The following L3MBTL4 variants were observed in gnomAD, a reference collection of about 807,000 sequenced individuals.
L3MBTL4 encodes L3MBTL histone methyl-lysine binding protein 4, also known as lethal(3)malignant brain tumor-like protein 4.
A neutral mutation model predicts 84.5 loss-of-function variants in L3MBTL4; 70 were observed. The observed-to-expected ratio is 0.83, with a 90% CI of 0.68 to 1.01. The LOEUF is 1.01. Among genes scored for constraint, L3MBTL4 ranks in the 50% least tolerant of loss-of-function variants. The pLI is 0.00. For synonymous variants in L3MBTL4, 274 were observed against 259.8 expected, an observed-to-expected ratio of 1.05 and a Z score of -0.52; for missense variants, 715 against 754.8, an observed-to-expected ratio of 0.95 and a Z score of 0.62.
At chr18:6,238,405 C>T (rs1182371906) in intron 9 of L3MBTL4, among the ~76,000 whole-genome samples, 11 of 152,020 alleles carry the variant, frequency 7.2e-5, no homozygotes, top group African/African-American at 2.2e-4. Flanking sequence ...TGGTGGCGGG[C>T]GCCTGTAGTC....
chr18:5,988,667 T>TAA (rs11430173), intron 16 of L3MBTL4, among the ~76,000 whole-genome samples: 3,717 of 152,086 alleles, frequency 0.024, 138 homozygotes, highest in African/African-American at 0.084. Context: ...TATATGCATT[T>TAA]AAAAAAATCA....
intron 16 of L3MBTL4, among the ~76,000 whole-genome samples, chr18:6,054,686 G>A (rs773478230): frequency 6.6e-6 from 1 of 152,158 alleles, no homozygotes; most frequent in South Asian, 2.1e-4. Flanking sequence ...TTAACGCTTC[G>A]CCACAGAGCT....
At chr18:5,989,785 G>A (rs900030097) in intron 16 of L3MBTL4, among the ~76,000 whole-genome samples, 4 of 152,216 alleles carry the variant, frequency 2.6e-5, no homozygotes, top group African/African-American at 9.6e-5. Context: ...AAGACTGTTT[G>A]CTCCTGGAGG....
chr18:6,002,916 C>T (rs1202547990), intron 16 of L3MBTL4, among the ~76,000 whole-genome samples: 1 of 151,326 alleles, frequency 6.6e-6, no homozygotes, highest in Non-Finnish European at 1.5e-5. Context: ...TGGATAAAAA[C>T]CATAAGCCAC....
rs893897065 is a variant in L3MBTL4, at chr18:6,129,372, G to C, written c.1199+8822C>G. ...AACAATTTACTGGAATTCTCTCTGT[G>C]TGTGTGTGTGTGTGTGTGTGTGTGT... On this transcript the variant is annotated intron_variant, in intron 14 of 18. Coordinates refer to ENST00000317931, the MANE Select transcript of L3MBTL4 (RefSeq NM_001330559.2). Among the ~76,000 whole-genome samples, 30 of 135,280 alleles carry C rather than the reference G, an allele frequency of 2.2e-4. No individual in the cohort carries two copies. The South Asian group carries it at 4.2e-3, about 19-fold the overall frequency. 88.7% of individuals were successfully genotyped at this position (135,280 alleles called of 152,430 possible).
At chr18:6,331,259 T>C (rs943738637) in intron 1 of L3MBTL4, among the ~76,000 whole-genome samples, 9 of 152,182 alleles carry the variant, frequency 5.9e-5, no homozygotes, top group African/African-American at 2.2e-4. Flanking sequence ...TAATAAACCT[T>C]CACTCACTGG....
At chr18:6,017,180 A>G (rs1014657273) in intron 16 of L3MBTL4, among the ~76,000 whole-genome samples, 3 of 152,248 alleles carry the variant, frequency 2.0e-5, no homozygotes, top group African/African-American at 7.2e-5. Context: ...CATCTCCAGC[A>G]GAGATTGTTT....
intron 16 of L3MBTL4, among the ~76,000 whole-genome samples, chr18:6,080,674 C>T (rs932656508): frequency 6.6e-6 from 1 of 152,148 alleles, no homozygotes; most frequent in Non-Finnish European, 1.5e-5. Flanking sequence ...AGTCCTTTTA[C>T]TTTTAAAATG....
chr18:6,379,658 A>C (rs545020702), intron 1 of L3MBTL4, among the ~76,000 whole-genome samples: 1 of 152,132 alleles, frequency 6.6e-6, no homozygotes, highest in African/African-American at 2.4e-5. Flanking sequence ...TGCATCCCAG[A>C]TATGAAGCCG....
chr18:6,141,530 G>A (rs1412714831), intron 13 of L3MBTL4, among the ~76,000 whole-genome samples: 5 of 152,184 alleles, frequency 3.3e-5, no homozygotes, highest in East Asian at 1.9e-4. Context: ...TTCTTCTCCC[G>A]TAGAGCAGCT....
chr18:6,029,297 G>T, intron 16 of L3MBTL4: 1 of 307,540 alleles, frequency 3.3e-6, no homozygotes, highest in Non-Finnish European at 4.8e-6. Context: ...CCAGGAGTAT[G>T]CTTAAATACA....
At chr18:6,374,479 G>C (rs2054285704) in intron 1 of L3MBTL4, 1 of 154,832 alleles carries the variant, frequency 6.5e-6, no homozygotes, top group Admixed American at 6.5e-5. Flanking sequence ...CATTTCTTTT[G>C]TGGGATTGTG....
intron 14 of L3MBTL4, among the ~76,000 whole-genome samples, chr18:6,122,851 G>A (rs1220321345): frequency 6.6e-6 from 1 of 152,152 alleles, no homozygotes; most frequent in African/African-American, 2.4e-5. Flanking sequence ...TCATATATAA[G>A]GAAGAAACTA....
chr18:6,409,979 T>C (rs1291196235), intron 1 of L3MBTL4, among the ~76,000 whole-genome samples: 2 of 152,062 alleles, frequency 1.3e-5, no homozygotes, highest in African/African-American at 4.8e-5. Context: ...ACCTCCAAAT[T>C]ACTCAAGTCC....
intron 16 of L3MBTL4, among the ~76,000 whole-genome samples, chr18:6,041,462 CTTTT>C (rs34117389): frequency 2.4e-5 from 3 of 124,128 alleles, no homozygotes; most frequent in East Asian, 2.2e-4. Flanking sequence ...CTGAAATTGA[CTTTT>C]TTTTTTTTTT....
intron 15 of L3MBTL4, among the ~76,000 whole-genome samples, chr18:6,086,489 G>A (rs879615296): frequency 6.6e-6 from 1 of 152,136 alleles, no homozygotes; most frequent in African/African-American, 2.4e-5. Context: ...ATTCATTTAG[G>A]AAATACAAGA....
chr18:6,098,451 C>A (rs776841000), intron 14 of L3MBTL4, among the ~76,000 whole-genome samples: 20 of 152,198 alleles, frequency 1.3e-4, no homozygotes, highest in Non-Finnish European at 2.4e-4. Flanking sequence ...GGAAGCATGA[C>A]AAATTTAAGC....
At chr18:5,957,314 C>T (rs9956660) in intron 18 of L3MBTL4, among the ~76,000 whole-genome samples, 4,391 of 152,064 alleles carry the variant, frequency 0.029, 202 homozygotes, top group African/African-American at 0.1. Context: ...GTAATCATCA[C>T]GCATTGTATA....
intron 16 of L3MBTL4, among the ~76,000 whole-genome samples, chr18:5,975,863 GC>G (rs796795385): frequency 4.6e-4 from 70 of 152,322 alleles, no homozygotes; most frequent in African/African-American, 1.6e-3. Context: ...CATGGGCATG[GC>G]CTGTCTGCTG....
Sources: gnomAD v4.1 joint callset for allele counts (sites outside exome capture counted in the v4.1 genomes callset) on GRCh38, gnomAD v4.1.1 for gene constraint, MANE v1.5 for transcripts, NCBI Gene and HGNC (gene_info 2026-07-23, HGNC 2026-07-21) for gene names.